The following RNASEH2B variants were observed in gnomAD, a reference collection of about 807,000 sequenced individuals.
RNASEH2B encodes Aicardi-Goutieres syndrome 2 protein.
In RNASEH2B, 36 loss-of-function variants were observed where a neutral mutation model predicts 45.0. The ratio of observed to expected loss-of-function variants is 0.80; its 90% CI spans 0.61 to 1.06. The LOEUF (loss-of-function observed/expected upper bound fraction) is 1.06. RNASEH2B is among the 50% of genes least tolerant of loss of function. RNASEH2B has a pLI of 0.00. For synonymous variants in RNASEH2B, 119 were observed against 125.7 expected (o/e 0.95, Z 0.35); for missense variants, 361 against 360.3 (o/e 1.00, Z -0.02).
At chr13:50,923,011 A>G (rs867165468) in intron 1 of RNASEH2B, among the ~76,000 whole-genome samples, 2 of 152,250 alleles carry the variant, frequency 1.3e-5, no homozygotes, top group South Asian at 4.1e-4. Flanking sequence ...TAAAGTCTGG[A>G]TTTGAAAAGT....
chr13:50,943,339 A>G lies in RNASEH2B; in HGVS notation c.455A>G (p.Asn152Ser), dbSNP rs146451037. The change falls in exon 6 of 11, where the codon AAC becomes AGC. Residue 152 changes from asparagine to serine, a missense_variant. By Grantham distance (46) the Asn-to-Ser change is conservative (BLOSUM62 1). Transcript: ENST00000336617. ...TTTTAAGGTAATCCAGAAATAGACA[A>G]CAAGAAATATTACAAGTACAGCAAA... The part of the protein sequence containing the change: ...TEEKGNPEID[N>S]KKYYKYSKEK... 1,444 of 1,600,830 alleles carry G rather than the reference A, an allele frequency of 9.0e-4. 2 individuals are homozygous for G. Among genetic ancestry groups the G allele is most frequent in the Non-Finnish European group, 1.0e-3 (1,183 of 1,168,356 alleles).
chr13:50,963,135 T>C (rs1255328471), intron 9 of RNASEH2B, among the ~76,000 whole-genome samples: 5 of 152,028 alleles, frequency 3.3e-5, no homozygotes, highest in African/African-American at 1.2e-4. Context: ...AGTTATTTAA[T>C]TTTTACTTTA....
At position 50,930,945 on chromosome 13, in the gene RNASEH2B, A is replaced by G. The variant is rs1272109578; in HGVS notation, c.321+186A>G. The G allele has an allele frequency of 8.1e-6, 5 of 615,662 alleles. No homozygotes were observed. The East Asian group carries it at 8.5e-5, about 10-fold the overall frequency. 38.1% of individuals were successfully genotyped at this position (615,662 alleles called of 1,614,324 possible). ...GCACTACTGCACAGGCCAGAGAAGC[A>G]GCACCTTACTCTTGATCCAGTCTGA... On this transcript the variant is annotated intron_variant, in intron 4 of 10. Transcript: ENST00000336617.
intron 5 of RNASEH2B, chr13:50,937,755 A>T (rs1951774478): frequency 6.6e-6 from 1 of 152,248 alleles, no homozygotes; most frequent in Non-Finnish European, 1.5e-5. Context: ...GATAAAATTC[A>T]GTCATGATAT....
intron 1 of RNASEH2B, among the ~76,000 whole-genome samples, chr13:50,923,672 A>T (rs1951553454): frequency 6.6e-6 from 1 of 152,238 alleles, no homozygotes. Context: ...AAAAATTATG[A>T]AGGGAGTCCT....
At chr13:50,962,942 T>A (rs1404176235) in intron 9 of RNASEH2B, among the ~76,000 whole-genome samples, 1 of 152,092 alleles carries the variant, frequency 6.6e-6, no homozygotes, top group Non-Finnish European at 1.5e-5. Context: ...CTTTTCTCCC[T>A]ATCCCCTCAG....
chr13:50,927,568 G>T, intron 2 of RNASEH2B, 90 bp downstream of exon 2: 2 of 860,094 alleles, frequency 2.3e-6, no homozygotes, highest in South Asian at 2.7e-5. Context: ...TGCTCTTTCT[G>T]AATAGCTTTT....
chr13:50,954,222 A>T (rs1952014935), intron 10 of RNASEH2B: 1 of 606,942 alleles, frequency 1.6e-6, no homozygotes, highest in African/African-American at 1.9e-5. Context: ...GTGTGCCTAA[A>T]TTTTGCTATG....
rs1226161327 is a variant in RNASEH2B at position 50,956,650 on chromosome 13, A to C, written c.*176A>C. 3 of 1,395,668 alleles carry C rather than the reference A, an allele frequency of 2.1e-6. No individual in the cohort carries two copies. Among genetic ancestry groups the C allele is most frequent in the African/African-American group, 2.9e-5 (2 of 68,500 alleles). 86.5% of individuals were successfully genotyped at this position (1,395,668 alleles called of 1,614,324 possible). A position where few individuals can be genotyped will look rare whatever the true frequency, so the allele number is the denominator to read the frequency against. On this transcript the variant is annotated 3_prime_UTR_variant, in exon 11 of 11. Transcript: ENST00000336617. The stretch of plus-strand genomic sequence containing the variant: ...CTGAACAAAATATGGGAAAGTGTCT[A>C]ACTTCATGGCTATGGCCTTTTGGAG...
chr13:50,962,746 T>C (rs1952123646), intron 9 of RNASEH2B, among the ~76,000 whole-genome samples: 1 of 152,194 alleles, frequency 6.6e-6, no homozygotes, highest in African/African-American at 2.4e-5. Context: ...ATGGGTTCTT[T>C]TAAGATTTTC....
intron 9 of RNASEH2B, among the ~76,000 whole-genome samples, chr13:50,962,878 A>G (rs1282165943): frequency 6.6e-6 from 1 of 152,080 alleles, no homozygotes; most frequent in African/African-American, 2.4e-5. Context: ...TTCATCAAAT[A>G]TGGAAAATTT....
At chr13:50,970,243 T>C in exon 10 of RNASEH2B, 1 of 557,988 alleles carries the variant, frequency 1.8e-6, no homozygotes, top group South Asian at 2.5e-5. Flanking sequence ...CAAGCTTGGG[T>C]CAGGCCAGCA....
At chr13:50,929,629 G>A (rs1469345933) in intron 3 of RNASEH2B, 47 bp downstream of exon 3, 4 of 1,211,018 alleles carry the variant, frequency 3.3e-6, no homozygotes, top group Admixed American at 3.5e-5. Flanking sequence ...ACATACTCCA[G>A]CTTTTCCATT....
chr13:50,965,438 A>G (rs1050930043), intron 9 of RNASEH2B, among the ~76,000 whole-genome samples: 1 of 152,234 alleles, frequency 6.6e-6, no homozygotes, highest in Non-Finnish European at 1.5e-5. Flanking sequence ...ATGACTGTAC[A>G]TACACAGCAC....
At chr13:50,915,599 T>C (rs1879693545) in intron 1 of RNASEH2B, 2 of 397,208 alleles carry the variant, frequency 5.0e-6, no homozygotes, top group African/African-American at 4.1e-5. Context: ...CCAAGTGTGT[T>C]TTCCCTGAGT....
chr13:50,923,514 G>A (rs1489566329), intron 1 of RNASEH2B, among the ~76,000 whole-genome samples: 1 of 152,152 alleles, frequency 6.6e-6, no homozygotes, highest in Non-Finnish European at 1.5e-5. Context: ...CTGGAAGTGA[G>A]TGGGATGACA....
chr13:50,926,487 T>C (rs1443165090), intron 1 of RNASEH2B, among the ~76,000 whole-genome samples: 2 of 152,200 alleles, frequency 1.3e-5, no homozygotes. Flanking sequence ...AATAAAATTG[T>C]CATGGTCTTT....
At chr13:50,910,212 GC>G (rs1460202087) in intron 1 of RNASEH2B, 72 bp downstream of exon 1, 10 of 1,143,478 alleles carry the variant, frequency 8.7e-6, no homozygotes, top group Non-Finnish European at 1.0e-5. Context: ...CGGGCGCGCC[GC>G]CCCCCACCCC....
chr13:50,928,702 C>G (rs1403242755), intron 2 of RNASEH2B, among the ~76,000 whole-genome samples: 1 of 152,018 alleles, frequency 6.6e-6, no homozygotes, highest in Admixed American at 6.6e-5. Flanking sequence ...CTTATAAAAA[C>G]CCTTGAGGAG....
Sources: allele counts gnomAD v4.1 joint callset (sites outside exome capture counted in the v4.1 genomes callset), GRCh38; gene constraint gnomAD v4.1.1; transcripts MANE v1.5; gene names NCBI Gene and HGNC (gene_info 2026-07-23, HGNC 2026-07-21).